The following HERC1 variants were observed in gnomAD, a reference collection of about 807,000 sequenced individuals.
HERC1 encodes HECT and RLD domain containing E3 ubiquitin protein ligase family member 1.
Under a neutral mutation model 554.3 loss-of-function variants are expected in HERC1, and 160 were observed. That is an observed-to-expected ratio of 0.29 (90% CI 0.25 to 0.33). The LOEUF (loss-of-function observed/expected upper bound fraction) is 0.33. Among genes scored for constraint, HERC1 ranks in the 10% least tolerant of loss-of-function variants. The probability of loss-of-function intolerance (pLI) is 1.00; values close to 1 mark genes in which losing one functional copy is unlikely to be tolerated. For synonymous variants in HERC1, 2,175 were observed against 2,131.7 expected, an observed-to-expected ratio of 1.02 and a Z score of -0.56; for missense variants, 4,919 against 5,918.5, an observed-to-expected ratio of 0.83 and a Z score of 5.54.
chr15:63,642,984 T>G lies in HERC1; in HGVS notation c.11406A>C (p.Gly3802=). 6.2e-7 allele frequency: 1 copy of G among 1,610,496 alleles called. No homozygotes were observed. ...IQTTVWIPEV[G]VAACSNRSKD... The stretch of plus-strand genomic sequence containing the variant: ...TTGATCTATTTGAGCAAGCAGCTAC[T>G]CCAACTTCTGGAATCCATACTGTGG... Residue 3802 remains glycine, a synonymous_variant, in exon 59 of 78, where the codon GGA becomes GGC. Coordinates refer to ENST00000443617, the MANE Select transcript of HERC1 (RefSeq NM_003922.4).
chr15:63,623,856 C>T lies in HERC1; in HGVS notation c.13480G>A (p.Ala4494Thr). ...GCATTCAGCTTAACTACTTGTCTCG[C>T]TATTTGGACAAAAATAGGCTTACAC... ...RKCKPIFVQI[A>T]RQVVKLNASD... is the part of the protein sequence containing the mutation. Residue 4494 changes from alanine to threonine, a missense_variant, in exon 73 of 78, where the codon GCG becomes ACG. Around this residue, in one of 11 missense-constraint regions of HERC1, gnomAD observed 410 missense variants for 467.0 expected, o/e 0.88. Coordinates refer to ENST00000443617, the MANE Select transcript of HERC1 (RefSeq NM_003922.4). The T allele has an allele frequency of 6.2e-7, 1 of 1,613,934 alleles. No homozygotes were observed. Among genetic ancestry groups the T allele is most frequent in the South Asian group, 1.1e-5 (1 of 91,082 alleles).
intron 14 of HERC1, among the ~76,000 whole-genome samples, chr15:63,731,449 A>G (rs1376229787): frequency 6.6e-6 from 1 of 152,216 alleles, no homozygotes; most frequent in Non-Finnish European, 1.5e-5. Flanking sequence ...CTTAGCCCTA[A>G]TATTCCTTTC....
chr15:63,636,274 T>G lies in HERC1; in HGVS notation c.12233-132A>C, dbSNP rs561887691. Reference sequence around the variant, plus strand: ...ATGAAAATAAGAATAATTTCATTAGTTTTTTTTTTTTTTTTAGATGGAGTC... The same window carrying G: ...ATGAAAATAAGAATAATTTCATTAGGTTTTTTTTTTTTTTTAGATGGAGTC... On this transcript the variant is annotated intron_variant, in intron 64 of 77. Transcript: ENST00000443617. 2.1e-3 allele frequency: 390 copies of G among 183,040 alleles called. 1 individual carries two copies. The highest frequency in any genetic ancestry group is 0.013 in the African/African-American group (305 of 23,842). 11.3% of individuals were successfully genotyped at this position (183,040 alleles called of 1,614,324 possible).
chr15:63,787,755 T>C (rs775240237), intron 1 of HERC1, among the ~76,000 whole-genome samples: 1 of 151,666 alleles, frequency 6.6e-6, no homozygotes, highest in Non-Finnish European at 1.5e-5. Flanking sequence ...CATCTCTTTT[T>C]AAAAAACTTA....
chr15:63,729,460 C>G, intron 15 of HERC1, 37 bp downstream of exon 15: 1 of 1,605,938 alleles, frequency 6.2e-7, no homozygotes, highest in Non-Finnish European at 8.5e-7. Context: ...TTTCAAGGTC[C>G]CTGATAGATC....
At chr15:63,805,195 G>T (rs2077100526) in intron 1 of HERC1, among the ~76,000 whole-genome samples, 1 of 152,124 alleles carries the variant, frequency 6.6e-6, no homozygotes, top group East Asian at 1.9e-4. Context: ...TCTGATGAAT[G>T]AATAGGTACA....
intron 73 of HERC1, among the ~76,000 whole-genome samples, chr15:63,623,458 T>C (rs1308796472): frequency 6.6e-6 from 1 of 152,248 alleles, no homozygotes; most frequent in Non-Finnish European, 1.5e-5. Context: ...GCCATTGTTA[T>C]TCTGCCAATA....
intron 12 of HERC1, among the ~76,000 whole-genome samples, chr15:63,737,481 G>GATATAT (rs1162968549): frequency 2.2e-5 from 1 of 45,178 alleles, no homozygotes; most frequent in African/African-American, 8.1e-5. Context: ...CTTTTTTCCA[G>GATATAT]ATATATATAT....
Position 63,677,291 on chromosome 15 carries a change from A to G in HERC1, c.7070+554T>C, listed in dbSNP as rs2071261253. Among the ~76,000 whole-genome samples the G allele has an allele frequency of 6.6e-6, 1 of 152,242 alleles. No homozygotes were observed. Among genetic ancestry groups the G allele is most frequent in the Admixed American group, 6.5e-5 (1 of 15,286 alleles). ...CAAACACACCTAAATGCTTTTAAAT[A>G]CCCAGTTTGTGTTAAATAAATGTAA... is the stretch of plus-strand genomic sequence containing the variant. On this transcript the variant is annotated intron_variant, in intron 37 of 77. Coordinates refer to ENST00000443617, the MANE Select transcript of HERC1 (RefSeq NM_003922.4). The surrounding 1 kb of genome is among the most constrained non-coding windows in gnomAD (Gnocchi z 4.4).
intron 1 of HERC1, among the ~76,000 whole-genome samples, chr15:63,810,019 A>C (rs539179694): frequency 2.6e-5 from 4 of 152,306 alleles, no homozygotes; most frequent in South Asian, 4.2e-4. Context: ...TGGTTAAATA[A>C]ATTATACACA....
chr15:63,656,799 T>C (rs1197304970), intron 48 of HERC1, among the ~76,000 whole-genome samples: 1 of 152,206 alleles, frequency 6.6e-6, no homozygotes, highest in East Asian at 1.9e-4. Flanking sequence ...TTTACATCAA[T>C]TGAATAATTA....
At position 63,680,738 on chromosome 15, in the gene HERC1, C is replaced by T. The variant is rs1467849789; in HGVS notation, c.6264G>A (p.Thr2088=). 12 of 1,612,252 alleles carry T rather than the reference C, an allele frequency of 7.4e-6. No individual in the cohort carries two copies. Among genetic ancestry groups the T allele is most frequent in the African/African-American group, 2.7e-5 (2 of 74,854 alleles). ...CTGGCCAGCGAGAAACTCCAACACA[C>T]GTGCCTTCATTACCTCTGTTTTCCT... ...IVKENRGNEG[T]CVGVSRWPVH... is the part of the protein sequence containing the mutation. The change falls in exon 35 of 78, where the codon ACG becomes ACA. Residue 2088 remains threonine (T), a synonymous_variant. Transcript: ENST00000443617. This position sits in a 1 kb window ranked among gnomAD's most constrained non-coding sequence, Gnocchi z 5.8.
chr15:63,628,954 T>A (rs2068426987), intron 69 of HERC1, 139 bp from the exon 70 acceptor site: 2 of 32,792 alleles, frequency 6.1e-5, no homozygotes, highest in East Asian at 1.7e-4. Context: ...AAACACATTC[T>A]TTTTTTTTTT....
rs141447564 is a variant in HERC1 at position 63,727,422 on chromosome 15, G to A, written c.3346+225C>T. On this transcript the variant is annotated intron_variant, in intron 17 of 77. Coordinates refer to ENST00000443617, the MANE Select transcript of HERC1 (RefSeq NM_003922.4). The surrounding 1 kb of genome is among the most constrained non-coding windows in gnomAD (Gnocchi z 4.3). ...TGTTAAAATAAGATAGGCCCTCAAGGTCATCTTTCCAACTCCAATGCTTTT... is the reference window on the plus strand; with the variant it reads ...TGTTAAAATAAGATAGGCCCTCAAGATCATCTTTCCAACTCCAATGCTTTT... Among the ~76,000 whole-genome samples the A allele has an allele frequency of 7.1e-3, 1,079 of 152,244 alleles. 14 individuals are homozygous for A. Among genetic ancestry groups the A allele is most frequent in the African/African-American group, 0.025 (1,038 of 41,532 alleles).
At chr15:63,722,930 T>C (rs929619926) in intron 19 of HERC1, among the ~76,000 whole-genome samples, 1 of 152,158 alleles carries the variant, frequency 6.6e-6, no homozygotes, top group African/African-American at 2.4e-5. Context: ...TTCAGTAAAA[T>C]GATTACCTAT....
chr15:63,749,680 T>C lies in HERC1; in HGVS notation c.2014A>G (p.Ile672Val), dbSNP rs2075171861. The C allele has an allele frequency of 1.3e-6, 2 of 1,597,228 alleles. No homozygotes were observed. The highest frequency in any genetic ancestry group is 1.7e-6 in the Non-Finnish European group (2 of 1,170,992). Residue 672 changes from isoleucine (I) to valine (V), a missense_variant, in exon 9 of 78, where the codon ATT (isoleucine) becomes GTT (valine). Coordinates refer to ENST00000443617, the MANE Select transcript of HERC1 (RefSeq NM_003922.4). This position sits in a 1 kb window ranked among gnomAD's most constrained non-coding sequence, Gnocchi z 4.1. ...AGAGCCAAACAATGACTGTCTCCAA[T>C]AGAAACATCAACTATTCTTGTGGCA... is the stretch of plus-strand genomic sequence containing the variant. Reference protein sequence around the residue: ...LAATRIVDVSIGDSHCLALSH... With the variant: ...LAATRIVDVSVGDSHCLALSH...
intron 1 of HERC1, among the ~76,000 whole-genome samples, chr15:63,822,789 A>G (rs116892342): frequency 0.014 from 2,172 of 152,260 alleles, 24 homozygotes; most frequent in Non-Finnish European, 0.021. Context: ...AAACCAGAAT[A>G]AGGCAGAGAT....
rs2073997603 is a variant in HERC1 at position 63,725,351 on chromosome 15, G to A, written c.3509C>T (p.Ala1170Val). ...GAACAGTGGCGTTTTCATCCAATATGCAGTGTCCTGTTCCTCTGGAGACAC... is the reference window on the plus strand; with the variant it reads ...GAACAGTGGCGTTTTCATCCAATATACAGTGTCCTGTTCCTCTGGAGACAC... The part of the protein sequence containing the change: ...SPVSPEEQDT[A>V]YWMKTPLFSD... Residue 1170 changes from alanine (A) to valine (V), a missense_variant, in exon 18 of 78, where the codon GCA becomes GTA. Ala to Val is a moderately conservative substitution (Grantham distance 64). Around this residue, in one of 11 missense-constraint regions of HERC1, gnomAD observed 1,121 missense variants for 1,244.0 expected, o/e 0.90. Coordinates refer to ENST00000443617, the MANE Select transcript of HERC1 (RefSeq NM_003922.4). The A allele has an allele frequency of 6.2e-7, 1 of 1,613,868 alleles. No homozygotes were observed. The highest frequency in any genetic ancestry group is 1.3e-5 in the African/African-American group (1 of 75,010).
At chr15:63,624,885 C>T (rs571541994) in intron 71 of HERC1, among the ~76,000 whole-genome samples, 43 of 152,180 alleles carry the variant, frequency 2.8e-4, no homozygotes, top group Non-Finnish European at 6.0e-4. Flanking sequence ...TAAGTAATTC[C>T]AAATCCTACC....
Sources: allele counts gnomAD v4.1 joint callset (sites outside exome capture counted in the v4.1 genomes callset), GRCh38; gene constraint gnomAD v4.1.1; regional missense constraint gnomAD v4.1.1; non-coding constraint Gnocchi (gnomAD v3.1); transcripts MANE v1.5; gene names NCBI Gene and HGNC (gene_info 2026-07-23, HGNC 2026-07-21).